PHF2: variants seen among roughly 807,000 people sequenced by gnomAD.
The protein encoded by PHF2 is PHD finger protein 2, also known as lysine-specific demethylase PHF2.
Under a neutral mutation model 120.5 loss-of-function variants are expected in PHF2, and 27 were observed. The observed-to-expected ratio is 0.22, with a 90% CI of 0.17 to 0.31. PHF2 has a LOEUF of 0.31. Ranked by LOEUF, PHF2 falls within the 10% of genes least tolerant of loss-of-function variation. The pLI is 1.00. For synonymous variants in PHF2, 568 were observed against 592.5 expected (o/e 0.96, Z 0.60); for missense variants, 1,024 against 1,434.8 (o/e 0.71, Z 4.63).
At chr9:93,662,822 A>G in intron 12 of PHF2, 85 bp from the exon 13 acceptor site, 1 of 1,537,414 alleles carries the variant, frequency 6.5e-7, no homozygotes. Flanking sequence ...CACATGGGCC[A>G]GAAGAAGACA....
chr9:93,578,516 C>G (rs919018484), intron 1 of PHF2, among the ~76,000 whole-genome samples: 1 of 152,224 alleles, frequency 6.6e-6, no homozygotes, highest in African/African-American at 2.4e-5. Flanking sequence ...GAGCCCTGAC[C>G]TGGCGAGCGC....
In PHF2 at chr9:93,655,885, C is replaced by T. The variant is rs770842337; in HGVS notation, c.953-49C>T. On this transcript the variant is annotated intron_variant, in intron 7 of 21. Coordinates refer to ENST00000359246, the MANE Select transcript of PHF2 (RefSeq NM_005392.4). Reference sequence around the variant, plus strand: ...CCCTGATCTAGAGCCATGAGAAGCCCGTTCATGGGAGCAAGGTGGGGCACC... The same window carrying T: ...CCCTGATCTAGAGCCATGAGAAGCCTGTTCATGGGAGCAAGGTGGGGCACC... The T allele has an allele frequency of 2.2e-5, 30 of 1,395,016 alleles. 1 individual carries two copies. Among genetic ancestry groups the T allele is most frequent in the South Asian group, 3.6e-5 (3 of 82,798 alleles). The allele number at this position is 1,395,016 out of a possible 1,614,324, so 86.4% of individuals were successfully genotyped here.
chr9:93,665,997 G>A lies in PHF2; in HGVS notation c.2124G>A (p.Leu708=). 1 of 1,613,500 alleles carries A rather than the reference G, an allele frequency of 6.2e-7. No homozygotes were observed. Among genetic ancestry groups the A allele is most frequent in the East Asian group, 2.2e-5 (1 of 44,836 alleles). ...NAPKRDLSFL[L]DKKAVLPTPV... ...CATCTGCTGTGCTTTCAGTCTTGTT[G>A]GATAAGAAGGCTGTGCTGCCCACGC... Residue 708 remains leucine, a synonymous_variant, in exon 16 of 22, where the codon TTG becomes TTA. Transcript: ENST00000359246.
At chr9:93,621,281 A>AG (rs1825821613) in intron 1 of PHF2, among the ~76,000 whole-genome samples, 2 of 152,162 alleles carry the variant, frequency 1.3e-5, no homozygotes, top group Non-Finnish European at 2.9e-5. Context: ...CTAGGTGGTG[A>AG]GGGGGTGCTG....
intron 3 of PHF2, among the ~76,000 whole-genome samples, chr9:93,645,165 G>T (rs1197410826): frequency 6.6e-6 from 1 of 152,232 alleles, no homozygotes; most frequent in Non-Finnish European, 1.5e-5. Flanking sequence ...AGCCATCTTA[G>T]TGGCTCTTGT....
intron 2 of PHF2, among the ~76,000 whole-genome samples, chr9:93,634,450 C>G (rs571619233): frequency 2.0e-5 from 3 of 152,316 alleles, no homozygotes; most frequent in South Asian, 2.1e-4. Context: ...GCAGGGGCTC[C>G]CAAGCATCTA....
Position 93,636,498 on chromosome 9 carries a change from A to G in PHF2, c.272A>G (p.Lys91Arg), listed in dbSNP as rs1174628479. The G allele has an allele frequency of 6.2e-7, 1 of 1,601,382 alleles. No homozygotes were observed. The highest frequency in any genetic ancestry group is 8.5e-7 in the Non-Finnish European group (1 of 1,174,342). ...PVQNGSQLFI[K>R]ELRSRTFPSA... ...CAGAATGGCAGCCAGCTCTTCATCA[A>G]GGAGCTGCGGAGCCGGACCTTTCCC... Residue 91 changes from lysine to arginine, a missense_variant, in exon 3 of 22, where the codon AAG (lysine) becomes AGG (arginine). Physicochemically the swap from Lys to Arg is conservative, Grantham distance 26. Transcript: ENST00000359246.
chr9:93,586,122 G>A (rs1185589937), intron 1 of PHF2, among the ~76,000 whole-genome samples: 2 of 152,220 alleles, frequency 1.3e-5, no homozygotes, highest in African/African-American at 4.8e-5. Context: ...CTGGAGAAGG[G>A]GTGAAGTGGG....
chr9:93,659,630 C>T, intron 11 of PHF2, 30 bp downstream of exon 11: 1 of 1,597,564 alleles, frequency 6.3e-7, no homozygotes, highest in Non-Finnish European at 8.6e-7. Context: ...CTGGGCTGGA[C>T]CCCTGGGGAT....
At chr9:93,662,130 AATGGATGG>A (rs779582259) in intron 12 of PHF2, among the ~76,000 whole-genome samples, 6 of 149,540 alleles carry the variant, frequency 4.0e-5, no homozygotes, top group South Asian at 2.1e-4. Context: ...TGGATGAATG[AATGGATGG>A]ATGGATGGAT....
chr9:93,662,679 GATGA>G (rs1456249100), intron 12 of PHF2, among the ~76,000 whole-genome samples: 3 of 151,470 alleles, frequency 2.0e-5, no homozygotes, highest in Admixed American at 6.6e-5. Context: ...TGGGTTGGCA[GATGA>G]ATGAACGGAT....
In PHF2 at chr9:93,677,847, G is replaced by A. The variant is rs1424779785; in HGVS notation, c.*171G>A. On this transcript the variant is annotated 3_prime_UTR_variant, in exon 22 of 22. Transcript: ENST00000359246. This position sits in a 1 kb window ranked among gnomAD's most constrained non-coding sequence, Gnocchi z 4.4. ...CTTCAGCCGGCAGAGCGAGCCCAGC[G>A]TGGCCCCTCAATTTGAAAATGGACG... 6.7e-6 allele frequency: 4 copies of A among 594,336 alleles called. No individual in the cohort carries two copies. Among genetic ancestry groups the A allele is most frequent in the East Asian group, 2.9e-5 (1 of 34,836 alleles). The allele number at this position is 594,336 out of a possible 1,614,324, so 36.8% of individuals were successfully genotyped here. A position where few individuals can be genotyped will look rare whatever the true frequency, so the allele number is the denominator to read the frequency against.
At chr9:93,675,185 G>C (rs1405372484) in intron 19 of PHF2, among the ~76,000 whole-genome samples, 163 bp downstream of exon 19, 1 of 152,224 alleles carries the variant, frequency 6.6e-6, no homozygotes, top group African/African-American at 2.4e-5. Context: ...GCTGCTTGCA[G>C]GAGTGCCGTG....
At chr9:93,626,485 T>G (rs1825917193) in intron 1 of PHF2, among the ~76,000 whole-genome samples, 1 of 152,204 alleles carries the variant, frequency 6.6e-6, no homozygotes, top group South Asian at 2.1e-4. Flanking sequence ...TGCCATACCC[T>G]TGTCTTATTT....
chr9:93,676,484 C>A (rs1383174722), intron 20 of PHF2, 110 bp from the exon 21 acceptor site: 2 of 1,356,982 alleles, frequency 1.5e-6, no homozygotes, highest in African/African-American at 2.9e-5. Context: ...CCCCTGCTGC[C>A]CAGCCCTGCT....
chr9:93,634,731 CAG>C (rs1826062540), intron 2 of PHF2, among the ~76,000 whole-genome samples: 1 of 152,246 alleles, frequency 6.6e-6, no homozygotes, highest in African/African-American at 2.4e-5. Context: ...CATCTGCTCG[CAG>C]ACACTCCCCC....
chr9:93,644,586 T>C (rs1034958308), intron 3 of PHF2, among the ~76,000 whole-genome samples: 2 of 152,080 alleles, frequency 1.3e-5, no homozygotes, highest in Non-Finnish European at 2.9e-5. Flanking sequence ...AGGGTGCTCT[T>C]TCCCCTGTTC....
chr9:93,647,075 G>C (rs1321922562), intron 4 of PHF2, among the ~76,000 whole-genome samples: 1 of 152,220 alleles, frequency 6.6e-6, no homozygotes, highest in Non-Finnish European at 1.5e-5. Flanking sequence ...CAGGTGGGCT[G>C]TTTCTGTCTT....
At chr9:93,614,975 C>T (rs146250638) in intron 1 of PHF2, among the ~76,000 whole-genome samples, 274 of 138,558 alleles carry the variant, frequency 2.0e-3, no homozygotes, top group East Asian at 4.6e-3. Context: ...ATAGTGATGA[C>T]GGTAATGGTG....
Sources: gnomAD v4.1 joint callset for allele counts (sites outside exome capture counted in the v4.1 genomes callset) on GRCh38, gnomAD v4.1.1 for gene constraint, Gnocchi (gnomAD v3.1) non-coding constraint, MANE v1.5 for transcripts, NCBI Gene and HGNC (gene_info 2026-07-23, HGNC 2026-07-21) for gene names.